GRIA3: variants seen among roughly 807,000 people sequenced by gnomAD.
GRIA3 encodes the protein glutamate ionotropic receptor AMPA type subunit 3.
GRIA3 carries 3 observed loss-of-function variants against 63.0 expected under a neutral mutation model. That is an observed-to-expected ratio of 0.05 (90% CI 0.02 to 0.12). GRIA3 has a LOEUF of 0.12. Ranked by LOEUF, GRIA3 falls within the 10% of genes least tolerant of loss-of-function variation. GRIA3 has a pLI of 1.00. For synonymous variants in GRIA3, 274 were observed against 257.9 expected (o/e 1.06, Z -0.60); for missense variants, 347 against 700.9 (o/e 0.50, Z 5.70).
At chrX:123,444,192 G>C (rs2045690848) in intron 12 of GRIA3, among the ~76,000 whole-genome samples, 1 of 110,695 alleles carries the variant, frequency 9.0e-6, no homozygotes, top group Admixed American at 9.6e-5. Flanking sequence ...CTTTTATGAT[G>C]AGGCAGCTCT....
In GRIA3 at chrX:123,261,167, A is replaced by G. The variant is rs1425589111; in HGVS notation, c.508+7625A>G. The stretch of plus-strand genomic sequence containing the variant: ...TGGGGTTGGACCATCAGTAGGGGAA[A>G]AAATTCAAAAGACATTAAACTACCC... On this transcript the variant is annotated intron_variant, in intron 3 of 15. Transcript: ENST00000620443. 5.4e-5 allele frequency among the ~76,000 whole-genome samples: 6 copies of G among 111,295 alleles called. No homozygotes were observed. The South Asian group carries it at 2.4e-3, about 44-fold the overall frequency.
At chrX:123,284,712 A>G (rs374771550) in intron 3 of GRIA3, among the ~76,000 whole-genome samples, 17 of 111,841 alleles carry the variant, frequency 1.5e-4, no homozygotes, top group African/African-American at 5.5e-4. Context: ...AAAAGAATGT[A>G]AAGGAACAAA....
chrX:123,475,091 GAC>G (rs2045881113), intron 13 of GRIA3, among the ~76,000 whole-genome samples: 1 of 112,134 alleles, frequency 8.9e-6, no homozygotes, highest in Admixed American at 9.4e-5. Context: ...TCATCACTGA[GAC>G]ACAATTCAGC....
intron 10 of GRIA3, among the ~76,000 whole-genome samples, chrX:123,414,732 C>T (rs2045527016): frequency 9.1e-6 from 1 of 110,467 alleles, no homozygotes; most frequent in Non-Finnish European, 1.9e-5. Flanking sequence ...TCATCCATGT[C>T]CCTGCAAAGG....
At chrX:123,266,837 C>T (rs965097390) in intron 3 of GRIA3, among the ~76,000 whole-genome samples, 5 of 110,680 alleles carry the variant, frequency 4.5e-5, no homozygotes, top group African/African-American at 1.3e-4. Flanking sequence ...TTTGCAAATA[C>T]TTTTCCTTTT....
intron 4 of GRIA3, among the ~76,000 whole-genome samples, chrX:123,327,771 T>C (rs910576036): frequency 9.1e-6 from 1 of 109,657 alleles, no homozygotes; most frequent in African/African-American, 3.3e-5. Flanking sequence ...CCTGGTTAAA[T>C]CAAGTTTCTC....
chrX:123,211,601 A>G (rs1182336481), intron 2 of GRIA3, among the ~76,000 whole-genome samples: 1 of 111,540 alleles, frequency 9.0e-6, no homozygotes, highest in Non-Finnish European at 1.9e-5. Flanking sequence ...AAGACCTTGC[A>G]CACAGGAGCT....
At chrX:123,363,087 C>A (rs1028383086) in intron 5 of GRIA3, among the ~76,000 whole-genome samples, 4 of 112,615 alleles carry the variant, frequency 3.6e-5, no homozygotes, top group Non-Finnish European at 7.5e-5. Context: ...TGAATCACCA[C>A]AATTACTATG....
intron 3 of GRIA3, among the ~76,000 whole-genome samples, chrX:123,302,261 G>C (rs2044727992): frequency 9.0e-6 from 1 of 111,678 alleles, no homozygotes; most frequent in African/African-American, 3.3e-5. Context: ...CAAAATCTTG[G>C]CTAAGATCTC....
At chrX:123,268,750 T>G (rs1361154636) in intron 3 of GRIA3, among the ~76,000 whole-genome samples, 2 of 111,585 alleles carry the variant, frequency 1.8e-5, no homozygotes, top group African/African-American at 6.5e-5. Context: ...GTAATTCTAC[T>G]TAAAATGTGG....
chrX:123,483,357 C>G (rs148205410), intron 15 of GRIA3, among the ~76,000 whole-genome samples: 2 of 111,274 alleles, frequency 1.8e-5, no homozygotes, highest in Admixed American at 1.9e-4. Flanking sequence ...TTCTAGTAGT[C>G]ATATGTTAAA....
At chrX:123,251,550 C>T (rs921641634) in intron 2 of GRIA3, among the ~76,000 whole-genome samples, 7 of 111,362 alleles carry the variant, frequency 6.3e-5, no homozygotes, top group Admixed American at 5.7e-4. Flanking sequence ...ATTCTCCTGC[C>T]TCAGCCTCCC....
chrX:123,204,643 T>C, intron 2 of GRIA3: 4 of 1,077,738 alleles, frequency 3.7e-6, no homozygotes, highest in Non-Finnish European at 4.8e-6. Context: ...TGATGAAATA[T>C]CAAGAGAGGT....
At chrX:123,462,670 C>A (rs748168402) in intron 12 of GRIA3, among the ~76,000 whole-genome samples, 5 of 111,404 alleles carry the variant, frequency 4.5e-5, no homozygotes, top group African/African-American at 1.3e-4. Context: ...TCCAGCCCCC[C>A]CTGGAATTAT....
chrX:123,422,759 A>C (rs2045569894), intron 11 of GRIA3, among the ~76,000 whole-genome samples: 3 of 112,474 alleles, frequency 2.7e-5, no homozygotes, highest in Non-Finnish European at 3.8e-5. Flanking sequence ...TAATCATGCT[A>C]GTTTCACAAA....
chrX:123,352,276 C>A (rs1024302301), intron 4 of GRIA3, among the ~76,000 whole-genome samples: 1 of 111,593 alleles, frequency 9.0e-6, no homozygotes, highest in Non-Finnish European at 1.9e-5. Flanking sequence ...GATGGGGTTT[C>A]TCCATGTTGT....
At chrX:123,259,629 T>C (rs1259155493) in intron 3 of GRIA3, among the ~76,000 whole-genome samples, 3 of 112,201 alleles carry the variant, frequency 2.7e-5, no homozygotes, top group Non-Finnish European at 5.6e-5. Flanking sequence ...GCACTTATTA[T>C]GCACTAGGCC....
intron 3 of GRIA3, among the ~76,000 whole-genome samples, chrX:123,288,660 GA>G (rs1195507978): frequency 2.7e-5 from 3 of 109,266 alleles, no homozygotes; most frequent in East Asian, 2.9e-4. Context: ...ACAAACATAT[GA>G]AAAAAAAAGC....
rs1437377444 is a variant in GRIA3, at chrX:123,370,748, A to G, written c.750+15785A>G. Reference sequence around the variant, plus strand: ...GTGAATACATCATAGGTATATATATATGTGTGTGTGCATATGTGTATATAT... The same window carrying G: ...GTGAATACATCATAGGTATATATATGTGTGTGTGTGCATATGTGTATATAT... On this transcript the variant is annotated intron_variant, in intron 5 of 15. Transcript: ENST00000620443. Among the ~76,000 whole-genome samples, 13 of 104,565 alleles carry G rather than the reference A, an allele frequency of 1.2e-4. 1 individual carries two copies. Among genetic ancestry groups the G allele is most frequent in the South Asian group, 8.7e-4 (2 of 2,309 alleles). The allele number at this position is 104,565 out of a possible 115,157, so 90.8% of individuals were successfully genotyped here.
Sources: gnomAD v4.1 joint callset for allele counts (sites outside exome capture counted in the v4.1 genomes callset) on GRCh38, gnomAD v4.1.1 for gene constraint, MANE v1.5 for transcripts, NCBI Gene and HGNC (gene_info 2026-07-23, HGNC 2026-07-21) for gene names.